Variants in ADAMTS19 observed in about 807,000 individuals in gnomAD.
ADAMTS19 encodes the protein A disintegrin and metalloproteinase with thrombospondin motifs 19.
ADAMTS19 carries 93 observed loss-of-function variants against 153.3 expected under a neutral mutation model. The observed-to-expected ratio is 0.61, with a 90% CI of 0.51 to 0.72. The LOEUF (loss-of-function observed/expected upper bound fraction) is 0.72. Ranked by LOEUF, ADAMTS19 falls within the 30% of genes least tolerant of loss-of-function variation. The probability of loss-of-function intolerance (pLI) is 0.00; values close to 1 mark genes in which losing one functional copy is unlikely to be tolerated. For missense variants in ADAMTS19, 1,482 were observed against 1,552.1 expected, an observed-to-expected ratio of 0.95 and a Z score of 0.76; for synonymous variants, 600 against 556.6, an observed-to-expected ratio of 1.08 and a Z score of -1.10.
At chr5:129,575,835 C>T (rs1171823642) in intron 7 of ADAMTS19, among the ~76,000 whole-genome samples, 2 of 151,996 alleles carry the variant, frequency 1.3e-5, no homozygotes, top group Non-Finnish European at 2.9e-5. Context: ...TAATGTATAT[C>T]AGAGTTTGGC....
chr5:129,629,187 C>T (rs1302793823), intron 10 of ADAMTS19, among the ~76,000 whole-genome samples: 3 of 152,034 alleles, frequency 2.0e-5, no homozygotes, highest in Non-Finnish European at 2.9e-5. Flanking sequence ...ATAAGTGAAT[C>T]GATTGAATAA....
intron 3 of ADAMTS19, among the ~76,000 whole-genome samples, chr5:129,516,836 G>A (rs773033571): frequency 3.7e-5 from 5 of 135,854 alleles, no homozygotes; most frequent in Non-Finnish European, 8.1e-5. Flanking sequence ...CTAGGTTTAA[G>A]TTTGGTTTGT....
intron 15 of ADAMTS19, among the ~76,000 whole-genome samples, chr5:129,659,908 T>C (rs1753749396): frequency 1.3e-5 from 2 of 152,192 alleles, no homozygotes; most frequent in African/African-American, 4.8e-5. Context: ...GTTTTCATCA[T>C]TGATATGCTT....
At chr5:129,640,229 G>C (rs1752732521) in intron 10 of ADAMTS19, among the ~76,000 whole-genome samples, 2 of 151,954 alleles carry the variant, frequency 1.3e-5, no homozygotes, top group Admixed American at 1.3e-4. Context: ...TTTGTGTTAG[G>C]AACATTTCAA....
intron 2 of ADAMTS19, among the ~76,000 whole-genome samples, chr5:129,464,569 G>A (rs1749792157): frequency 1.3e-5 from 2 of 152,098 alleles, no homozygotes; most frequent in South Asian, 4.1e-4. Context: ...CCAAAAGTCT[G>A]TACCAAAGGA....
At chr5:129,477,196 A>G (rs553224344) in intron 2 of ADAMTS19, among the ~76,000 whole-genome samples, 29 of 152,322 alleles carry the variant, frequency 1.9e-4, no homozygotes, top group African/African-American at 6.3e-4. Context: ...AATGATGACT[A>G]GGAATTCTAT....
At chr5:129,719,072 CTGAAA>C (rs899672211) in intron 21 of ADAMTS19, among the ~76,000 whole-genome samples, 2 of 152,058 alleles carry the variant, frequency 1.3e-5, no homozygotes, top group African/African-American at 4.8e-5. Context: ...CCTAAATGCA[CTGAAA>C]TGTTTTTTTT....
chr5:129,526,031 G>T (rs1460928583), intron 3 of ADAMTS19, among the ~76,000 whole-genome samples: 2 of 151,952 alleles, frequency 1.3e-5, no homozygotes, highest in South Asian at 4.1e-4. Context: ...TGAAAGATAG[G>T]TGTTATCATT....
At position 129,641,859 on chromosome 5, in the gene ADAMTS19, C is replaced by T; in HGVS notation, c.1771C>T (p.His591Tyr). The change falls in exon 11 of 23, where the codon CAT becomes TAT. Residue 591 changes from histidine to tyrosine, a missense_variant and splice_region_variant. His to Tyr is a moderately conservative substitution (Grantham distance 83). This residue lies in a region of ADAMTS19 where 866 missense variants were observed against 827.7 expected (regional missense o/e 1.05). Coordinates refer to ENST00000274487, the MANE Select transcript of ADAMTS19 (RefSeq NM_133638.6). Reference protein sequence around the residue: ...PLASFCQEMQHVICTGLWCKV... With the variant: ...PLASFCQEMQYVICTGLWCKV... ...TTAGTTATTGTGCCTTTGTTTTCAGCATGTTATTTGCACAGGATTATGGTG... is the reference window on the plus strand; with the variant it reads ...TTAGTTATTGTGCCTTTGTTTTCAGTATGTTATTTGCACAGGATTATGGTG... 6.4e-7 allele frequency: 1 copy of T among 1,571,268 alleles called. No homozygotes were observed. Among genetic ancestry groups the T allele is most frequent in the Non-Finnish European group, 8.7e-7 (1 of 1,154,770 alleles).
chr5:129,619,672 G>A (rs964410292), intron 8 of ADAMTS19, among the ~76,000 whole-genome samples: 7 of 151,764 alleles, frequency 4.6e-5, no homozygotes, highest in Admixed American at 2.6e-4. Context: ...AAGATTAGAG[G>A]GACAGAATTC....
rs1221254489 is a variant in ADAMTS19 at position 129,658,361 on chromosome 5, G to GAA, written c.2305-254_2305-253dup. ...AGAAAGAAAGAAAGAAAGAAAGAAA[G>GAA]AAAGAAAGAGAGAGAGGAAGGAAGG... is the stretch of plus-strand genomic sequence containing the variant. On this transcript the variant is annotated intron_variant, in intron 14 of 22. Coordinates refer to ENST00000274487, the MANE Select transcript of ADAMTS19 (RefSeq NM_133638.6). Among the ~76,000 whole-genome samples the GAA allele has an allele frequency of 9.7e-4, 146 of 150,324 alleles. 4 individuals are homozygous for GAA. The highest frequency in any genetic ancestry group is 3.3e-3 in the African/African-American group (135 of 40,420).
chr5:129,653,578 T>C (rs1753410448), intron 13 of ADAMTS19, among the ~76,000 whole-genome samples: 1 of 152,190 alleles, frequency 6.6e-6, no homozygotes, highest in Non-Finnish European at 1.5e-5. Flanking sequence ...GGTTTCTGCA[T>C]AAGTAGTGAA....
chr5:129,558,325 TTGG>T (rs1177277009), intron 7 of ADAMTS19, among the ~76,000 whole-genome samples: 1 of 152,104 alleles, frequency 6.6e-6, no homozygotes, highest in Non-Finnish European at 1.5e-5. Flanking sequence ...GAGAGTTTAA[TTGG>T]TGGTTAGATA....
At chr5:129,634,255 GA>G (rs1314608550) in intron 10 of ADAMTS19, among the ~76,000 whole-genome samples, 1 of 152,074 alleles carries the variant, frequency 6.6e-6, no homozygotes, top group East Asian at 1.9e-4. Flanking sequence ...TCTACATGCA[GA>G]AATAGAAAAT....
chr5:129,730,618 G>C (rs1757396662), intron 21 of ADAMTS19, among the ~76,000 whole-genome samples: 1 of 151,900 alleles, frequency 6.6e-6, no homozygotes, highest in Admixed American at 6.6e-5. Context: ...CAATACAAAG[G>C]GTCTATGTTA....
At chr5:129,563,629 T>C (rs926313699) in intron 7 of ADAMTS19, among the ~76,000 whole-genome samples, 6 of 152,200 alleles carry the variant, frequency 3.9e-5, no homozygotes, top group African/African-American at 1.4e-4. Context: ...CCACCTTCAA[T>C]GGGTAAACTT....
At chr5:129,719,708 A>G (rs1375150745) in intron 21 of ADAMTS19, among the ~76,000 whole-genome samples, 2 of 152,216 alleles carry the variant, frequency 1.3e-5, no homozygotes, top group African/African-American at 4.8e-5. Context: ...AAAGTAAAAT[A>G]TCAAACTGCC....
At chr5:129,683,427 A>G (rs1426912507) in intron 17 of ADAMTS19, among the ~76,000 whole-genome samples, 1 of 152,032 alleles carries the variant, frequency 6.6e-6, no homozygotes, top group Non-Finnish European at 1.5e-5. Context: ...ATATATGTGC[A>G]TAACTGTACA....
At chr5:129,503,911 A>T (rs1751186299) in intron 2 of ADAMTS19, among the ~76,000 whole-genome samples, 1 of 152,100 alleles carries the variant, frequency 6.6e-6, no homozygotes, top group Admixed American at 6.6e-5. Flanking sequence ...GCATATACTG[A>T]TTCTAAAGCC....
Sources: allele counts gnomAD v4.1 joint callset (sites outside exome capture counted in the v4.1 genomes callset), GRCh38; gene constraint gnomAD v4.1.1; regional missense constraint gnomAD v4.1.1; transcripts MANE v1.5; gene names NCBI Gene and HGNC (gene_info 2026-07-23, HGNC 2026-07-21).